FOXO3: variants seen among roughly 807,000 people sequenced by gnomAD.
The protein encoded by FOXO3 is forkhead box protein O3.
Under a neutral mutation model 41.9 loss-of-function variants are expected in FOXO3, and 4 were observed. That is an observed-to-expected ratio of 0.10 (90% CI 0.05 to 0.22). The LOEUF is 0.22. Ranked by LOEUF, FOXO3 falls within the 10% of genes least tolerant of loss-of-function variation. The probability of loss-of-function intolerance (pLI) is 1.00; values close to 1 mark genes in which losing one functional copy is unlikely to be tolerated. For missense variants in FOXO3, 534 were observed against 906.8 expected (o/e 0.59, Z 5.28); for synonymous variants, 318 against 389.3 (o/e 0.82, Z 2.16).
intron 1 of FOXO3, among the ~76,000 whole-genome samples, chr6:108,635,682 A>G (rs1778102536): frequency 6.6e-6 from 1 of 152,166 alleles, no homozygotes; most frequent in Non-Finnish European, 1.5e-5. Context: ...ACCTTGCAGC[A>G]GGGGTGGCGA....
chr6:108,640,659 TTC>T (rs1391944323), intron 1 of FOXO3, among the ~76,000 whole-genome samples: 2 of 152,234 alleles, frequency 1.3e-5, no homozygotes, highest in Non-Finnish European at 2.9e-5. Flanking sequence ...TTTTTGATAC[TTC>T]ACAATTTCAT....
At chr6:108,653,837 A>G (rs953767428) in intron 1 of FOXO3, among the ~76,000 whole-genome samples, 1 of 152,214 alleles carries the variant, frequency 6.6e-6, no homozygotes, top group African/African-American at 2.4e-5. Flanking sequence ...GTTCCACTTC[A>G]TGGCTTTTAT....
At chr6:108,661,007 C>G (rs1778829090) in intron 1 of FOXO3, among the ~76,000 whole-genome samples, 1 of 152,068 alleles carries the variant, frequency 6.6e-6, no homozygotes, top group Non-Finnish European at 1.5e-5. Flanking sequence ...TTGCAGTGAG[C>G]CGAGATCACG....
chr6:108,590,386 A>G (rs149103659), intron 1 of FOXO3, among the ~76,000 whole-genome samples: 103 of 152,334 alleles, frequency 6.8e-4, no homozygotes, highest in South Asian at 5.2e-3. Context: ...GAGCGTTGAC[A>G]TGACACTACA....
upstream of FOXO3, among the ~76,000 whole-genome samples, chr6:108,560,646 G>C (rs1456911087): frequency 6.6e-6 from 1 of 152,124 alleles, no homozygotes; most frequent in African/African-American, 2.4e-5. Context: ...TTGAGCGGCG[G>C]CGCCGCGGGA....
chr6:108,657,316 G>T (rs1261688298), intron 1 of FOXO3, among the ~76,000 whole-genome samples: 1 of 152,164 alleles, frequency 6.6e-6, no homozygotes, highest in South Asian at 2.1e-4. Flanking sequence ...TTTCTTTCTT[G>T]TAATTTCATC....
chr6:108,616,536 A>G (rs548924659), intron 1 of FOXO3, among the ~76,000 whole-genome samples: 2 of 152,116 alleles, frequency 1.3e-5, no homozygotes, highest in Non-Finnish European at 2.9e-5. Flanking sequence ...GCCTCAAGCA[A>G]TCCTCCCAAC....
chr6:108,586,997 G>A (rs1776599516), intron 1 of FOXO3, among the ~76,000 whole-genome samples: 1 of 147,464 alleles, frequency 6.8e-6, no homozygotes, highest in South Asian at 2.1e-4. Flanking sequence ...TTTTAGTAGA[G>A]ATGAGGCCTT....
intron 1 of FOXO3, among the ~76,000 whole-genome samples, chr6:108,633,570 T>G (rs1237000463): frequency 6.6e-6 from 1 of 152,224 alleles, no homozygotes; most frequent in Non-Finnish European, 1.5e-5. Context: ...CAAGCTTTGA[T>G]GCATTTACTA....
At chr6:108,618,244 G>A in intron 1 of FOXO3, 1 of 793,220 alleles carries the variant, frequency 1.3e-6, no homozygotes, top group Non-Finnish European at 2.3e-6. Flanking sequence ...TAATATGATT[G>A]TTCTTAGTCT....
intron 1 of FOXO3, among the ~76,000 whole-genome samples, chr6:108,611,029 TC>T (rs957791097): frequency 7.3e-5 from 11 of 151,406 alleles, no homozygotes; most frequent in Admixed American, 1.3e-4. Context: ...TCCCTCTCCC[TC>T]CCCCTACCCA....
At chr6:108,678,337 C>T (rs547884865) in intron 2 of FOXO3, among the ~76,000 whole-genome samples, 86 of 152,256 alleles carry the variant, frequency 5.6e-4, no homozygotes, top group African/African-American at 2.0e-3. Flanking sequence ...AGCACGAGTT[C>T]ATGTTGTTTC....
At chr6:108,570,166 A>AT (rs1247541852) in intron 1 of FOXO3, among the ~76,000 whole-genome samples, 1 of 151,272 alleles carries the variant, frequency 6.6e-6, no homozygotes, top group Non-Finnish European at 1.5e-5. Flanking sequence ...CTCCCAGCTA[A>AT]TTTTTTGTAT....
At chr6:108,633,432 G>A (rs1323264767) in intron 1 of FOXO3, among the ~76,000 whole-genome samples, 2 of 152,060 alleles carry the variant, frequency 1.3e-5, no homozygotes, top group African/African-American at 4.8e-5. Context: ...CAAGAATGTA[G>A]CACTTAAGAT....
intron 1 of FOXO3, among the ~76,000 whole-genome samples, chr6:108,627,303 A>G (rs542302752): frequency 2.6e-5 from 4 of 152,186 alleles, no homozygotes; most frequent in African/African-American, 7.2e-5. Flanking sequence ...GAAGCCCCCT[A>G]CACTTGGATC....
Position 108,612,765 on chromosome 6 carries a change from C to T in FOXO3, c.622-50690C>T, listed in dbSNP as rs557697844. Among the ~76,000 whole-genome samples the T allele has an allele frequency of 3.3e-5, 5 of 152,190 alleles. No individual in the cohort carries two copies. In the South Asian group the frequency reaches 1.0e-3, roughly 32 times the overall value. On this transcript the variant is annotated intron_variant, in intron 1 of 2. Coordinates refer to ENST00000406360, the MANE Select transcript of FOXO3 (RefSeq NM_001455.4). ...TATTTCTTTTTCTTGCCTTATTTCA[C>T]TGGCCAGGACCTCCAATACATTGTT...
intron 1 of FOXO3, among the ~76,000 whole-genome samples, chr6:108,573,887 C>T (rs913992254): frequency 1.1e-4 from 17 of 151,856 alleles, no homozygotes; most frequent in African/African-American, 4.1e-4. Flanking sequence ...GGCGCGGCGG[C>T]TCACGCCTGT....
At chr6:108,635,690 C>G (rs573561382) in intron 1 of FOXO3, among the ~76,000 whole-genome samples, 3 of 152,050 alleles carry the variant, frequency 2.0e-5, no homozygotes, top group Non-Finnish European at 2.9e-5. Context: ...GCAGGGGTGG[C>G]GAAACGATTG....
chr6:108,641,644 T>G (rs978358535), intron 1 of FOXO3, among the ~76,000 whole-genome samples: 2 of 152,128 alleles, frequency 1.3e-5, no homozygotes, highest in African/African-American at 2.4e-5. Context: ...TAATATGTCT[T>G]TGCGTTCCCC....
Sources: gnomAD v4.1 joint callset for allele counts (sites outside exome capture counted in the v4.1 genomes callset) on GRCh38, gnomAD v4.1.1 for gene constraint, MANE v1.5 for transcripts, NCBI Gene and HGNC (gene_info 2026-07-23, HGNC 2026-07-21) for gene names.